The following TRANK1 variants were observed in gnomAD, a reference collection of about 807,000 sequenced individuals.
TRANK1 encodes the protein tetratricopeptide repeat and ankyrin repeat containing 1, also known as TPR and ankyrin repeat-containing protein 1.
A neutral mutation model predicts 266.0 loss-of-function variants in TRANK1; 198 were observed. The observed-to-expected ratio is 0.74, with a 90% CI of 0.66 to 0.84. The LOEUF (loss-of-function observed/expected upper bound fraction) is 0.84, where lower values mean the gene tolerates loss of function less well. Among genes scored for constraint, TRANK1 ranks in the 40% least tolerant of loss-of-function variants. TRANK1 has a pLI of 0.00. For synonymous variants in TRANK1, 1,396 were observed against 1,384.1 expected (o/e 1.01, Z -0.19); for missense variants, 3,326 against 3,634.6 (o/e 0.92, Z 2.18).
Position 36,833,145 on chromosome 3 carries a change from C to A in TRANK1, c.6438G>T (p.Leu2146Phe). Residue 2146 changes from leucine to phenylalanine, a missense_variant, in exon 22 of 24, where the codon TTG (leucine) becomes TTT (phenylalanine). Transcript: ENST00000645898. ...CTTTTGTTTTTTTCTCTCTCAAGTT[C>A]AAATCCAGGTCAAAAATTATTCTTA... ...PILRIIFDLDLNLREKKTKDH... is the reference protein window; with the variant it reads ...PILRIIFDLDFNLREKKTKDH... 1 of 1,613,332 alleles carries A rather than the reference C, an allele frequency of 6.2e-7. No homozygotes were observed. Among genetic ancestry groups the A allele is most frequent in the Non-Finnish European group, 8.5e-7 (1 of 1,179,546 alleles).
intron 1 of TRANK1, among the ~76,000 whole-genome samples, chr3:36,935,449 T>C (rs926311758): frequency 2.8e-5 from 4 of 143,334 alleles, no homozygotes; most frequent in Non-Finnish European, 4.6e-5. Flanking sequence ...TGAATTCTTT[T>C]TTTTTTTTTT....
At chr3:36,915,846 G>A (rs767349377) in intron 1 of TRANK1, among the ~76,000 whole-genome samples, 8 of 152,164 alleles carry the variant, frequency 5.3e-5, no homozygotes, top group South Asian at 2.1e-4. Flanking sequence ...GCCCAGTGAC[G>A]AGGACAGTAG....
intron 13 of TRANK1, among the ~76,000 whole-genome samples, chr3:36,852,927 T>C (rs547456080): frequency 1.3e-5 from 2 of 152,170 alleles, no homozygotes; most frequent in East Asian, 3.9e-4. Context: ...CAGTGCTGCA[T>C]GTGAGCTAAG....
rs149354100 is a variant in TRANK1 at position 36,871,580 on chromosome 3, A to G, written c.1078+2546T>C. 2.4e-4 allele frequency among the ~76,000 whole-genome samples: 36 copies of G among 152,300 alleles called. No homozygotes were observed. The East Asian group carries it at 6.7e-3, about 29-fold the overall frequency. On this transcript the variant is annotated intron_variant, in intron 9 of 23. Transcript: ENST00000645898. ...AAAAGCATTCCACAATGACCTACTC[A>G]TTATACAACCTCACGAAGAAATTAG... is the stretch of plus-strand genomic sequence containing the variant.
At chr3:36,830,668 T>C (rs1005280230) in intron 22 of TRANK1, among the ~76,000 whole-genome samples, 22 of 152,172 alleles carry the variant, frequency 1.4e-4, no homozygotes, top group African/African-American at 5.1e-4. Context: ...CCAAGGATAA[T>C]GACAAACTTT....
intron 21 of TRANK1, 74 bp downstream of exon 21, chr3:36,834,688 C>G: frequency 6.5e-7 from 1 of 1,527,934 alleles, no homozygotes; most frequent in Non-Finnish European, 8.8e-7. Flanking sequence ...CAGGATAGCA[C>G]CACCCAGAGC....
rs763612083 is a variant in TRANK1, at chr3:36,857,583, G to C, written c.2139C>G (p.Thr713=). ...CTCCAGGCTCCTTCCTGGTCACCTG[G>C]GTACCTGGGAGAGTCTCCCAGCTGT... ...VPDSWETLPG[T]QVTRKEPGAL... Residue 713 remains threonine, a synonymous_variant, in exon 13 of 24, where the codon ACC becomes ACG. Transcript: ENST00000645898. The surrounding 1 kb of genome is among the most constrained non-coding windows in gnomAD (Gnocchi z 4.3). The C allele has an allele frequency of 2.0e-5, 33 of 1,613,910 alleles. No individual in the cohort carries two copies. In the South Asian group the frequency reaches 3.3e-4, roughly 16 times the overall value.
rs980007092 is a variant in TRANK1, at chr3:36,831,119, T to C, written c.8464A>G (p.Ile2822Val). The C allele has an allele frequency of 4.3e-6, 7 of 1,613,964 alleles. No individual in the cohort carries two copies. The highest frequency in any genetic ancestry group is 5.9e-6 in the Non-Finnish European group (7 of 1,179,888). ...ERNSESYEQH[I>V]HLEHHQRQQV... ...TGCCTCTGGTGGTGTTCTAGATGGA[T>C]ATGCTGCTCGTAAGACTCGCTGTTC... The change falls in exon 22 of 24, where the codon ATC becomes GTC. Residue 2822 changes from isoleucine to valine, a missense_variant. Ile to Val is a conservative substitution (Grantham distance 29). Transcript: ENST00000645898. This position sits in a 1 kb window ranked among gnomAD's most constrained non-coding sequence, Gnocchi z 5.0.
chr3:36,846,975 C>T (rs1014867727), intron 16 of TRANK1, among the ~76,000 whole-genome samples: 2 of 152,100 alleles, frequency 1.3e-5, no homozygotes, highest in African/African-American at 4.8e-5. Context: ...CAACCCTTCT[C>T]CTTCCGTTTT....
chr3:36,866,050 GAA>G lies in TRANK1; in HGVS notation c.1079-1572_1079-1571del, dbSNP rs749003050. Among the ~76,000 whole-genome samples the G allele has an allele frequency of 5.6e-5, 5 of 89,940 alleles. No individual in the cohort carries two copies. The Admixed American group carries it at 5.8e-4, about 10-fold the overall frequency. 59.0% of individuals were successfully genotyped at this position (89,940 alleles called of 152,430 possible). A position where few individuals can be genotyped will look rare whatever the true frequency, so the allele number is the denominator to read the frequency against. On this transcript the variant is annotated intron_variant, in intron 9 of 23. Coordinates refer to ENST00000645898, the MANE Select transcript of TRANK1 (RefSeq NM_001329998.2). ...AAAGAGAGAGAGAGACAGACAGAAA[GAA>G]AAAGAAAGAAAGAAAGAAAGAAAGA...
rs771094166 is a variant in TRANK1, at chr3:36,857,040, G to T, written c.2682C>A (p.Asp894Glu). The change falls in exon 13 of 24, where the codon GAC (aspartate) becomes GAA (glutamate). Residue 894 changes from aspartate (D) to glutamate (E), a missense_variant. Physicochemically the swap from Asp to Glu is conservative, Grantham distance 45 (BLOSUM62 2). Transcript: ENST00000645898. This position sits in a 1 kb window ranked among gnomAD's most constrained non-coding sequence, Gnocchi z 4.3. The stretch of plus-strand genomic sequence containing the variant: ...GCTCCCAGAGCATCCGGGCTCCTTT[G>T]TCCAGCTTAGCTTCGAAGAGCTGGA... ...GSIQLFEAKL[D>E]KGARMLWELA... is the part of the protein sequence containing the mutation. 5 of 1,613,986 alleles carry T rather than the reference G, an allele frequency of 3.1e-6. No individual in the cohort carries two copies. The highest frequency in any genetic ancestry group is 4.2e-6 in the Non-Finnish European group (5 of 1,179,884).
intron 1 of TRANK1, among the ~76,000 whole-genome samples, chr3:36,942,208 A>T (rs2080505723): frequency 1.3e-5 from 2 of 152,218 alleles, no homozygotes; most frequent in African/African-American, 2.4e-5. Context: ...TAGAAGTTTA[A>T]TATTTCCACA....
intron 1 of TRANK1, 49 bp downstream of exon 1, chr3:36,944,738 G>A: frequency 6.7e-7 from 1 of 1,498,556 alleles, no homozygotes; most frequent in Non-Finnish European, 8.8e-7. Context: ...GAAGGGTGGC[G>A]GGCCCGGAAG....
rs186357000 is a variant in TRANK1 at position 36,914,211 on chromosome 3, G to T, written c.24-5757C>A. On this transcript the variant is annotated intron_variant, in intron 1 of 23. Coordinates refer to ENST00000645898, the MANE Select transcript of TRANK1 (RefSeq NM_001329998.2). Reference sequence around the variant, plus strand: ...TGCGGTGGTGCAATTTTGGCTCACTGCAAACTCCATCTCCCGGGTTCAAGC... The same window carrying T: ...TGCGGTGGTGCAATTTTGGCTCACTTCAAACTCCATCTCCCGGGTTCAAGC... 2.0e-3 allele frequency among the ~76,000 whole-genome samples: 307 copies of T among 151,704 alleles called. 1 individual carries two copies. Among genetic ancestry groups the T allele is most frequent in the African/African-American group, 7.2e-3 (297 of 41,372 alleles).
intron 3 of TRANK1, 85 bp downstream of exon 3, chr3:36,903,064 A>G (rs2079907092): frequency 1.4e-6 from 2 of 1,462,858 alleles, no homozygotes; most frequent in South Asian, 1.3e-5. Context: ...ACTGCCCCAC[A>G]CTTTCTCTCA....
rs916402693 is a variant in TRANK1 at position 36,838,782 on chromosome 3, A to G, written c.5281-66T>C. On this transcript the variant is annotated intron_variant, in intron 18 of 23. Coordinates refer to ENST00000645898, the MANE Select transcript of TRANK1 (RefSeq NM_001329998.2). ...AGGTAACAGACAGAACAACGGTTAA[A>G]GCATGCATTATAAGTTTGTACTGAC... 3.4e-6 allele frequency: 5 copies of G among 1,477,508 alleles called. No individual in the cohort carries two copies. In the Admixed American group the frequency reaches 9.7e-5, roughly 29 times the overall value. The allele number at this position is 1,477,508 out of a possible 1,614,324, so 91.5% of individuals were successfully genotyped here.
At chr3:36,860,535 T>C (rs1026572150) in intron 11 of TRANK1, among the ~76,000 whole-genome samples, 2 of 152,184 alleles carry the variant, frequency 1.3e-5, no homozygotes, top group African/African-American at 2.4e-5. Flanking sequence ...TAGATAAGGA[T>C]CCACACAGTA....
chr3:36,925,383 T>C, intron 1 of TRANK1, among the ~76,000 whole-genome samples: 1 of 152,002 alleles, frequency 6.6e-6, no homozygotes, highest in Non-Finnish European at 1.5e-5. Flanking sequence ...TATCTTCCTC[T>C]TTTTTTTCTG....
intron 8 of TRANK1, among the ~76,000 whole-genome samples, chr3:36,888,803 T>A (rs2079644664): frequency 6.6e-6 from 1 of 152,192 alleles, no homozygotes; most frequent in African/African-American, 2.4e-5. Context: ...CATGCCTGTA[T>A]CCCAGTACTT....
Sources: gnomAD v4.1 joint callset for allele counts (sites outside exome capture counted in the v4.1 genomes callset) on GRCh38, gnomAD v4.1.1 for gene constraint, Gnocchi (gnomAD v3.1) non-coding constraint, MANE v1.5 for transcripts, NCBI Gene and HGNC (gene_info 2026-07-23, HGNC 2026-07-21) for gene names.